The following MPP7 variants were observed in gnomAD, a reference collection of about 807,000 sequenced individuals.
The protein encoded by MPP7 is MAGUK p55 scaffold protein 7, also known as MAGUK p55 subfamily member 7.
MPP7 carries 60 observed loss-of-function variants against 76.5 expected under a neutral mutation model. The observed-to-expected ratio is 0.78, with a 90% confidence interval of 0.64 to 0.97. The LOEUF is 0.97. Ranked by LOEUF, MPP7 falls within the 50% of genes least tolerant of loss-of-function variation. MPP7 has a pLI of 0.00. For missense variants in MPP7, 641 were observed against 694.0 expected, an observed-to-expected ratio of 0.92 and a Z score of 0.86; for synonymous variants, 237 against 244.5, an observed-to-expected ratio of 0.97 and a Z score of 0.29.
Position 28,121,741 on chromosome 10 carries a change from G to C in MPP7, c.616-1073C>G, listed in dbSNP as rs189356399. On this transcript the variant is annotated intron_variant, in intron 8 of 16. Coordinates refer to ENST00000683449, the MANE Select transcript of MPP7 (RefSeq NM_001318170.2). The stretch of plus-strand genomic sequence containing the variant: ...CACATTTGAAAGATATGAAAGGAAG[G>C]GGGGTAGGGCAAGACATATCTCTGA... Among the ~76,000 whole-genome samples, 945 of 152,150 alleles carry C rather than the reference G, an allele frequency of 6.2e-3. 9 individuals carry two copies. Among genetic ancestry groups the C allele is most frequent in the African/African-American group, 0.021 (867 of 41,500 alleles).
At chr10:28,268,448 G>A (rs530012399) in intron 1 of MPP7, among the ~76,000 whole-genome samples, 11 of 152,086 alleles carry the variant, frequency 7.2e-5, no homozygotes, top group Middle Eastern at 3.4e-3. Flanking sequence ...AAGACAATTA[G>A]GGGCCAGGCG....
At chr10:28,317,002 A>T (rs951080391) in intron 2 of MPP7, among the ~76,000 whole-genome samples, 2 of 152,110 alleles carry the variant, frequency 1.3e-5, no homozygotes, top group African/African-American at 4.8e-5. Flanking sequence ...CATGTATGTA[A>T]GTGATCATTT....
At chr10:28,064,887 T>C (rs925628654) in intron 13 of MPP7, among the ~76,000 whole-genome samples, 22 of 152,178 alleles carry the variant, frequency 1.4e-4, no homozygotes, top group African/African-American at 5.3e-4. Context: ...AACTGGTACA[T>C]TGTACTCTAT....
At chr10:28,276,148 A>G (rs1288773663) in intron 1 of MPP7, among the ~76,000 whole-genome samples, 2 of 150,324 alleles carry the variant, frequency 1.3e-5, no homozygotes. Flanking sequence ...CTCCTGCCTC[A>G]GCCTCCCAAG....
intron 1 of MPP7, among the ~76,000 whole-genome samples, chr10:28,282,886 A>G (rs867900634): frequency 2.6e-5 from 4 of 152,094 alleles, no homozygotes; most frequent in Middle Eastern, 3.4e-3. Flanking sequence ...ACATGACTGG[A>G]AAGTTCTATA....
At position 28,072,497 on chromosome 10, in the gene MPP7, G is replaced by T. The variant is rs547193547; in HGVS notation, c.1124-2645C>A. On this transcript the variant is annotated intron_variant, in intron 12 of 16. Coordinates refer to ENST00000683449, the MANE Select transcript of MPP7 (RefSeq NM_001318170.2). ...ATCAGCCATTTTGACATCAAAAAAA[G>T]TTCCCTAACAATGTCCATAATGCAC... 4.5e-4 allele frequency among the ~76,000 whole-genome samples: 68 copies of T among 152,278 alleles called. 2 individuals are homozygous for T. In the South Asian group the frequency reaches 0.014, roughly 31 times the overall value.
At chr10:28,066,625 G>A (rs1014162706) in intron 13 of MPP7, among the ~76,000 whole-genome samples, 5 of 152,128 alleles carry the variant, frequency 3.3e-5, no homozygotes, top group African/African-American at 9.7e-5. Flanking sequence ...CCCCCATGTA[G>A]CCAGCACTCT....
chr10:28,085,635 A>G (rs1459359066), intron 12 of MPP7, among the ~76,000 whole-genome samples: 7 of 152,178 alleles, frequency 4.6e-5, no homozygotes, highest in Admixed American at 4.6e-4. Context: ...AAGGCAATAT[A>G]AACGTTCACT....
intron 3 of MPP7, among the ~76,000 whole-genome samples, chr10:28,164,172 G>A (rs1253512707): frequency 1.3e-5 from 2 of 152,132 alleles, no homozygotes; most frequent in African/African-American, 2.4e-5. Flanking sequence ...GAAATGAACT[G>A]AAGAGAAAGA....
intron 11 of MPP7, among the ~76,000 whole-genome samples, chr10:28,111,856 A>ATC (rs1312986987): frequency 3.3e-5 from 5 of 152,222 alleles, no homozygotes; most frequent in Non-Finnish European, 7.3e-5. Flanking sequence ...ACAGAGGCAA[A>ATC]TCTAACTATG....
At chr10:28,054,877 A>G (rs1328686234) in intron 16 of MPP7, among the ~76,000 whole-genome samples, 1 of 152,190 alleles carries the variant, frequency 6.6e-6, no homozygotes, top group East Asian at 1.9e-4. Flanking sequence ...GATTTTCTCC[A>G]TGTTCACCAG....
chr10:28,253,603 G>A (rs896476335), intron 1 of MPP7, among the ~76,000 whole-genome samples: 3 of 152,100 alleles, frequency 2.0e-5, no homozygotes, highest in African/African-American at 7.2e-5. Context: ...ATGTAGATTC[G>A]TGAAAAATCA....
intron 3 of MPP7, among the ~76,000 whole-genome samples, chr10:28,184,322 A>G (rs1012480458): frequency 1.3e-5 from 2 of 148,254 alleles, no homozygotes; most frequent in Non-Finnish European, 3.0e-5. Flanking sequence ...ATTAAAATAT[A>G]TATCTTTACA....
intron 1 of MPP7, among the ~76,000 whole-genome samples, chr10:28,280,464 G>A (rs1215564891): frequency 6.6e-6 from 1 of 152,040 alleles, no homozygotes; most frequent in Non-Finnish European, 1.5e-5. Flanking sequence ...AGTACAGAAA[G>A]AACCATTCAT....
intron 2 of MPP7, among the ~76,000 whole-genome samples, chr10:28,222,441 G>A (rs191039227): frequency 2.1e-4 from 32 of 152,026 alleles, no homozygotes; most frequent in African/African-American, 6.8e-4. Flanking sequence ...CCCTGATTGC[G>A]CCAATGCACT....
At chr10:28,310,779 A>C (rs1841285480) in intron 2 of MPP7, among the ~76,000 whole-genome samples, 1 of 152,118 alleles carries the variant, frequency 6.6e-6, no homozygotes, top group Non-Finnish European at 1.5e-5. Flanking sequence ...TTTTGGGAAA[A>C]AGCTATAAAC....
intron 1 of MPP7, among the ~76,000 whole-genome samples, chr10:28,242,314 C>T (rs1330292823): frequency 6.6e-6 from 1 of 151,980 alleles, no homozygotes; most frequent in Non-Finnish European, 1.5e-5. Flanking sequence ...TTTTCAAAAC[C>T]TAATAGAGCA....
At chr10:28,223,994 G>A (rs7095438) in intron 2 of MPP7, among the ~76,000 whole-genome samples, 6 of 151,256 alleles carry the variant, frequency 4.0e-5, no homozygotes, top group Admixed American at 3.3e-4. Flanking sequence ...TCAGGAGTTC[G>A]AGACCAGCCT....
At chr10:28,102,098 GCAATT>G (rs1853853562) in intron 11 of MPP7, among the ~76,000 whole-genome samples, 1 of 151,972 alleles carries the variant, frequency 6.6e-6, no homozygotes, top group African/African-American at 2.4e-5. Flanking sequence ...TGCAATTCAT[GCAATT>G]CATGTTTACA....
Sources: gnomAD v4.1 joint callset for allele counts (sites outside exome capture counted in the v4.1 genomes callset) on GRCh38, gnomAD v4.1.1 for gene constraint, MANE v1.5 for transcripts, NCBI Gene and HGNC (gene_info 2026-07-23, HGNC 2026-07-21) for gene names.